The following MAPK10 variants were observed in gnomAD, a reference collection of about 807,000 sequenced individuals.
MAPK10 encodes JNK3 alpha protein kinase.
A neutral mutation model predicts 59.3 loss-of-function variants in MAPK10; 25 were observed. The observed-to-expected ratio is 0.42, with a 90% CI of 0.31 to 0.59. MAPK10 has a LOEUF of 0.59. MAPK10 is among the 20% of genes least tolerant of loss of function. MAPK10 has a pLI of 0.15. For missense variants in MAPK10, 351 were observed against 568.9 expected (o/e 0.62, Z 3.90); for synonymous variants, 190 against 200.5 (o/e 0.95, Z 0.44).
chr4:86,576,697 C>T (rs894075415), intron 1 of MAPK10, among the ~76,000 whole-genome samples: 1 of 151,818 alleles, frequency 6.6e-6, no homozygotes, highest in Non-Finnish European at 1.5e-5. Flanking sequence ...ATGGCATGAA[C>T]CCGGGAGGCG....
chr4:86,049,253 G>A (rs2043073873), intron 11 of MAPK10, among the ~76,000 whole-genome samples: 1 of 152,012 alleles, frequency 6.6e-6, no homozygotes, highest in African/African-American at 2.4e-5. Flanking sequence ...GTTGATGACT[G>A]TCTCTCAGGT....
chr4:86,314,988 A>C lies in MAPK10; in HGVS notation c.-7+39542T>G, dbSNP rs187842230. Among the ~76,000 whole-genome samples the C allele has an allele frequency of 6.9e-3, 1,047 of 152,234 alleles. 15 individuals are homozygous for C. Among genetic ancestry groups the C allele is most frequent in the African/African-American group, 0.024 (988 of 41,558 alleles). On this transcript the variant is annotated intron_variant, in intron 2 of 13. Coordinates refer to ENST00000641462, the MANE Select transcript of MAPK10 (RefSeq NM_138982.4). ...TTAATGAACATTTTAAATGTTTTTAATGTTTAAAATACTTTTAAAAAATTC... is the reference window on the plus strand; with the variant it reads ...TTAATGAACATTTTAAATGTTTTTACTGTTTAAAATACTTTTAAAAAATTC...
At chr4:86,394,198 G>C (rs1207169040) in intron 1 of MAPK10, among the ~76,000 whole-genome samples, 1 of 152,016 alleles carries the variant, frequency 6.6e-6, no homozygotes, top group Non-Finnish European at 1.5e-5. Flanking sequence ...GAACCCAGGA[G>C]GCAGAGGTTG....
intron 4 of MAPK10, among the ~76,000 whole-genome samples, chr4:86,137,420 G>A (rs1388713974): frequency 7.2e-5 from 10 of 138,762 alleles, no homozygotes; most frequent in East Asian, 4.1e-4. Context: ...TGAACAACCT[G>A]CTCCTGAATG....
At chr4:86,437,074 C>T (rs1160344221) in intron 1 of MAPK10, among the ~76,000 whole-genome samples, 2 of 151,918 alleles carry the variant, frequency 1.3e-5, no homozygotes, top group African/African-American at 2.4e-5. Flanking sequence ...ATAAGCCAGG[C>T]GTGGTGGCAG....
chr4:86,337,450 T>C (rs1578472532), intron 2 of MAPK10, among the ~76,000 whole-genome samples: 1 of 152,160 alleles, frequency 6.6e-6, no homozygotes, highest in Non-Finnish European at 1.5e-5. Context: ...GAAGAAAGTA[T>C]ATAGTAAGTC....
At chr4:86,455,686 T>C (rs547159048), upstream of MAPK10, among the ~76,000 whole-genome samples, 38 of 152,188 alleles carry the variant, frequency 2.5e-4, no homozygotes, top group South Asian at 5.6e-3. Flanking sequence ...AGAAATGAGA[T>C]AGACAGCAAC....
chr4:86,101,771 T>A, intron 7 of MAPK10, 123 bp downstream of exon 7: 2 of 929,776 alleles, frequency 2.2e-6, no homozygotes, highest in Non-Finnish European at 3.2e-6. Context: ...GTGCTAATTC[T>A]AGTATCAAAG....
intron 2 of MAPK10, among the ~76,000 whole-genome samples, chr4:86,323,828 T>C (rs914596232): frequency 1.3e-5 from 2 of 152,046 alleles, no homozygotes; most frequent in Non-Finnish European, 2.9e-5. Flanking sequence ...ATTGAGAAAA[T>C]TTGTGTAAAA....
At chr4:86,480,326 A>C (rs1579353883) in intron 1 of MAPK10, among the ~76,000 whole-genome samples, 1 of 138,694 alleles carries the variant, frequency 7.2e-6, no homozygotes, top group Non-Finnish European at 1.6e-5. Context: ...TGACCCCCCC[A>C]CTCCTGCCCG....
At position 86,479,474 on chromosome 4, in the gene MAPK10, C is replaced by CAAA. The variant is rs35632643; in HGVS notation, c.-263+114433_-263+114435dup. The stretch of plus-strand genomic sequence containing the variant: ...GACCAACTTGGACTGCACCCCCCAC[C>CAAA]AAAAAAAAAAAAAAACTTGTCGTCC... On this transcript the variant is annotated intron_variant, in intron 1 of 4. Coordinates refer to the MAPK10 transcript ENST00000502302. 5.3e-4 allele frequency among the ~76,000 whole-genome samples: 73 copies of CAAA among 138,468 alleles called. 1 individual carries two copies. The highest frequency in any genetic ancestry group is 7.6e-3 in the Middle Eastern group (2 of 262). The allele number at this position is 138,468 out of a possible 152,430, so 90.8% of individuals were successfully genotyped here.
At chr4:86,326,406 G>C (rs1323870577) in intron 2 of MAPK10, 4 of 152,170 alleles carry the variant, frequency 2.6e-5, no homozygotes, top group Non-Finnish European at 5.9e-5. Context: ...TCACACTGTG[G>C]GGAGGACCAA....
intron 1 of MAPK10, among the ~76,000 whole-genome samples, chr4:86,589,476 G>A: frequency 6.6e-6 from 1 of 152,132 alleles, no homozygotes; most frequent in East Asian, 1.9e-4. Flanking sequence ...GAGGTCAGGA[G>A]TTGGAGACCA....
chr4:86,457,516 A>G (rs968466625), upstream of MAPK10, among the ~76,000 whole-genome samples: 2 of 152,222 alleles, frequency 1.3e-5, no homozygotes, highest in Non-Finnish European at 2.9e-5. Flanking sequence ...CACCAATAGC[A>G]ACCAAGCTGA....
At chr4:86,091,830 C>T (rs1332998095) in intron 9 of MAPK10, among the ~76,000 whole-genome samples, 6 of 151,900 alleles carry the variant, frequency 3.9e-5, no homozygotes, top group African/African-American at 7.3e-5. Flanking sequence ...CACGCCACCA[C>T]GCCCAGCTAA....
chr4:86,209,475 A>G (rs1463817823), intron 2 of MAPK10, among the ~76,000 whole-genome samples: 1 of 152,086 alleles, frequency 6.6e-6, no homozygotes, highest in African/African-American at 2.4e-5. Context: ...GCTAATCCTC[A>G]GTATGAAGAA....
intron 1 of MAPK10, among the ~76,000 whole-genome samples, chr4:86,582,724 C>G (rs74859744): frequency 0.047 from 7,095 of 152,172 alleles, 224 homozygotes; most frequent in African/African-American, 0.061. Context: ...AATGAGCCCT[C>G]AAAGACTGGT....
intron 2 of MAPK10, among the ~76,000 whole-genome samples, chr4:86,331,478 G>A (rs1340013566): frequency 3.3e-5 from 5 of 152,086 alleles, no homozygotes; most frequent in Non-Finnish European, 7.4e-5. Flanking sequence ...CCTTTAATCA[G>A]CCTATAAACT....
chr4:86,381,792 T>C (rs946475801), intron 1 of MAPK10, among the ~76,000 whole-genome samples: 7 of 152,122 alleles, frequency 4.6e-5, no homozygotes, highest in African/African-American at 1.4e-4. Flanking sequence ...TTTACAAACA[T>C]GTGGGTATAG....
Sources: allele counts gnomAD v4.1 joint callset (sites outside exome capture counted in the v4.1 genomes callset), GRCh38; gene constraint gnomAD v4.1.1; transcripts MANE v1.5; gene names NCBI Gene and HGNC (gene_info 2026-07-23, HGNC 2026-07-21).